CNTLN: variants seen among roughly 807,000 people sequenced by gnomAD.
CNTLN encodes centlein, centrosomal protein.
Under a neutral mutation model 180.0 loss-of-function variants are expected in CNTLN, and 212 were observed. The observed-to-expected ratio is 1.18, with a 90% CI of 1.05 to 1.32. The LOEUF (loss-of-function observed/expected upper bound fraction) is 1.32, where lower values mean the gene tolerates loss of function less well. CNTLN is among the 40% of genes most tolerant of loss of function. The pLI is 0.00. For missense variants in CNTLN, 2,095 were observed against 1,610.9 expected (o/e 1.30, Z -5.14); for synonymous variants, 722 against 563.1 (o/e 1.28, Z -3.99).
In CNTLN at chr9:17,286,932, T is replaced by A. The variant is rs1417429783; in HGVS notation, c.984-11258T>A. On this transcript the variant is annotated intron_variant, in intron 6 of 25. Coordinates refer to ENST00000380647, the MANE Select transcript of CNTLN (RefSeq NM_017738.4). ...CTGAAACAATGGGGTTTTCTAGATA[T>A]ACAATCATGTCGTCTGCAAACAGGG... is the stretch of plus-strand genomic sequence containing the variant. 8.6e-4 allele frequency among the ~76,000 whole-genome samples: 116 copies of A among 135,618 alleles called. 1 individual carries two copies. Among genetic ancestry groups the A allele is most frequent in the African/African-American group, 3.3e-3 (111 of 33,354 alleles). The allele number at this position is 135,618 out of a possible 152,430, so 89.0% of individuals were successfully genotyped here.
chr9:17,464,665 C>G (rs750073112), intron 21 of CNTLN, 42 bp downstream of exon 21: 35 of 1,215,598 alleles, frequency 2.9e-5, no homozygotes, highest in Non-Finnish European at 3.4e-5. Flanking sequence ...ATATCACTTC[C>G]TGTTGTAATT....
intron 6 of CNTLN, among the ~76,000 whole-genome samples, chr9:17,276,828 A>AT (rs1475893668): frequency 6.6e-6 from 1 of 152,056 alleles, no homozygotes; most frequent in Non-Finnish European, 1.5e-5. Context: ...AATAGTTGTT[A>AT]TACTGTATTT....
intron 2 of CNTLN, among the ~76,000 whole-genome samples, chr9:17,217,002 G>A (rs1016623900): frequency 2.0e-5 from 3 of 152,232 alleles, no homozygotes; most frequent in African/African-American, 7.2e-5. Context: ...TGGATGGATG[G>A]TCATGGGAAC....
intron 8 of CNTLN, among the ~76,000 whole-genome samples, chr9:17,325,292 G>A (rs1258794869): frequency 6.6e-6 from 1 of 150,770 alleles, no homozygotes; most frequent in Non-Finnish European, 1.5e-5. Flanking sequence ...ACATATTGCT[G>A]CATTTCTGAA....
chr9:17,262,819 T>C (rs1232763786), intron 5 of CNTLN, among the ~76,000 whole-genome samples: 1 of 151,348 alleles, frequency 6.6e-6, no homozygotes, highest in Admixed American at 6.6e-5. Context: ...TTTGCCAGTA[T>C]GATCAGTATG....
At chr9:17,381,959 C>G (rs1207239793) in intron 13 of CNTLN, among the ~76,000 whole-genome samples, 1 of 152,138 alleles carries the variant, frequency 6.6e-6, no homozygotes, top group Non-Finnish European at 1.5e-5. Flanking sequence ...CCCATGTTTC[C>G]CTAGTCCAAG....
At chr9:17,240,861 CT>C (rs968654600) in intron 5 of CNTLN, among the ~76,000 whole-genome samples, 2 of 151,068 alleles carry the variant, frequency 1.3e-5, no homozygotes, top group Admixed American at 6.6e-5. Flanking sequence ...TTTTCTTTTC[CT>C]TTTTTTTTAT....
At chr9:17,511,778 C>T in the CNTLN span, among the ~76,000 whole-genome samples, 7 of 152,054 alleles carry the variant, frequency 4.6e-5, no homozygotes, top group African/African-American at 1.4e-4. Flanking sequence ...CCCACCACAG[C>T]AGGTGTTTAG....
intron 18 of CNTLN, among the ~76,000 whole-genome samples, chr9:17,420,319 C>CT (rs1314043889): frequency 6.6e-6 from 1 of 152,132 alleles, no homozygotes; most frequent in Non-Finnish European, 1.5e-5. Context: ...AGGAATTTGT[C>CT]TATTTGTTCT....
intron 7 of CNTLN, chr9:17,300,243 G>A (rs1261540095): frequency 1.3e-5 from 2 of 152,024 alleles, no homozygotes; most frequent in Non-Finnish European, 2.9e-5. Context: ...GCATCATACT[G>A]GTGCTCAAAA....
chr9:17,269,419 A>T (rs1428081168), intron 5 of CNTLN, among the ~76,000 whole-genome samples: 1 of 151,930 alleles, frequency 6.6e-6, no homozygotes, highest in East Asian at 1.9e-4. Flanking sequence ...GCCTCTTACC[A>T]TTCCTTTTTC....
intron 3 of CNTLN, among the ~76,000 whole-genome samples, chr9:17,232,029 A>G (rs1824846716): frequency 6.6e-6 from 1 of 152,090 alleles, no homozygotes; most frequent in African/African-American, 2.4e-5. Context: ...AAGCCAGGCT[A>G]TTAAGAATTT....
chr9:17,325,263 C>G (rs1423748258), intron 8 of CNTLN, among the ~76,000 whole-genome samples: 1 of 141,946 alleles, frequency 7.0e-6, no homozygotes, highest in Non-Finnish European at 1.6e-5. Flanking sequence ...ACAATGTTTA[C>G]TTTATTAATT....
intron 2 of CNTLN, among the ~76,000 whole-genome samples, chr9:17,171,376 A>G (rs1820409983): frequency 6.8e-6 from 1 of 146,494 alleles, no homozygotes; most frequent in Non-Finnish European, 1.5e-5. Flanking sequence ...CCATGGTTCC[A>G]AGCTTTGGTG....
chr9:17,373,584 C>T (rs2133511579), intron 13 of CNTLN, among the ~76,000 whole-genome samples: 1 of 151,916 alleles, frequency 6.6e-6, no homozygotes, highest in East Asian at 1.9e-4. Flanking sequence ...TAATGCAAGC[C>T]CTATAAAAAT....
At chr9:17,271,803 C>T (rs2132498052) in intron 5 of CNTLN, among the ~76,000 whole-genome samples, 1 of 152,292 alleles carries the variant, frequency 6.6e-6, no homozygotes, top group South Asian at 2.1e-4. Flanking sequence ...TATTACTTAT[C>T]AAGCCACCAT....
intron 5 of CNTLN, among the ~76,000 whole-genome samples, chr9:17,251,890 C>T (rs115216293): frequency 0.016 from 2,395 of 151,904 alleles, 67 homozygotes; most frequent in African/African-American, 0.055. Flanking sequence ...CATTCCCACT[C>T]TCCCACTTTC....
intron 5 of CNTLN, among the ~76,000 whole-genome samples, chr9:17,244,218 GTT>G (rs61193447): frequency 1.4e-5 from 1 of 71,500 alleles, no homozygotes; most frequent in African/African-American, 5.7e-5. Flanking sequence ...TTTTGTTTTT[GTT>G]TTTTTTTTTG....
At chr9:17,366,164 T>TG (rs1823799808) in intron 12 of CNTLN, among the ~76,000 whole-genome samples, 1 of 152,162 alleles carries the variant, frequency 6.6e-6, no homozygotes, top group South Asian at 2.1e-4. Flanking sequence ...CCTAATCTTT[T>TG]GCCCAGGCTG....
Sources: allele counts gnomAD v4.1 joint callset (sites outside exome capture counted in the v4.1 genomes callset), GRCh38; gene constraint gnomAD v4.1.1; transcripts MANE v1.5; gene names NCBI Gene and HGNC (gene_info 2026-07-23, HGNC 2026-07-21).